UBE2E2: variants seen among roughly 807,000 people sequenced by gnomAD.
UBE2E2 encodes ubiquitin conjugating enzyme E2 E2.
In UBE2E2, 6 loss-of-function variants were observed where a neutral mutation model predicts 24.7. The observed-to-expected ratio is 0.24, with a 90% CI of 0.13 to 0.48. The LOEUF (loss-of-function observed/expected upper bound fraction) is 0.48. UBE2E2 is among the 20% of genes least tolerant of loss of function. The pLI is 0.99. For missense variants in UBE2E2, 169 were observed against 245.0 expected (o/e 0.69, Z 2.07); for synonymous variants, 104 against 83.6 (o/e 1.24, Z -1.33).
intron 5 of UBE2E2, among the ~76,000 whole-genome samples, chr3:23,579,679 A>G (rs1696431984): frequency 6.6e-6 from 1 of 152,124 alleles, no homozygotes; most frequent in Non-Finnish European, 1.5e-5. Flanking sequence ...CAGCCTGGGC[A>G]ACAGAGCAAG....
At chr3:23,546,894 T>C (rs1695537021) in intron 5 of UBE2E2, among the ~76,000 whole-genome samples, 1 of 152,196 alleles carries the variant, frequency 6.6e-6, no homozygotes, top group Admixed American at 6.5e-5. Context: ...AAAATAACTT[T>C]TCTCTAATGA....
Position 23,265,824 on chromosome 3 carries a change from G to A in UBE2E2, c.227+48512G>A, listed in dbSNP as rs549828395. ...CTAAGGACTTGCTTTATGAATCTGG[G>A]TGCTCCTGTGTTGGGTGCATATATA... On this transcript the variant is annotated intron_variant, in intron 3 of 5. Coordinates refer to ENST00000396703, the MANE Select transcript of UBE2E2 (RefSeq NM_152653.4). 1.3e-4 allele frequency among the ~76,000 whole-genome samples: 20 copies of A among 152,282 alleles called. 1 individual carries two copies. In the South Asian group the frequency reaches 4.1e-3, roughly 32 times the overall value.
At chr3:23,391,819 A>T (rs780656974) in intron 3 of UBE2E2, among the ~76,000 whole-genome samples, 1 of 152,076 alleles carries the variant, frequency 6.6e-6, no homozygotes, top group Non-Finnish European at 1.5e-5. Context: ...ATTGTGAGGG[A>T]TGTGTATATC....
chr3:23,297,347 C>A (rs1698941301), intron 3 of UBE2E2, among the ~76,000 whole-genome samples: 1 of 151,644 alleles, frequency 6.6e-6, no homozygotes, highest in Admixed American at 6.6e-5. Flanking sequence ...GCTTTTGTTG[C>A]CATTGCTTTT....
intron 5 of UBE2E2, among the ~76,000 whole-genome samples, chr3:23,570,703 CTG>C (rs1696198969): frequency 6.6e-6 from 1 of 152,118 alleles, no homozygotes; most frequent in Admixed American, 6.5e-5. Flanking sequence ...TCTAACATGA[CTG>C]TTGGGTGATA....
At chr3:23,479,871 A>AGT (rs759461712) in intron 3 of UBE2E2, among the ~76,000 whole-genome samples, 4 of 152,124 alleles carry the variant, frequency 2.6e-5, no homozygotes, top group Non-Finnish European at 5.9e-5. Flanking sequence ...GAATGGAGGC[A>AGT]GTACATGCTG....
At chr3:23,209,887 G>C (rs772063628) in intron 2 of UBE2E2, among the ~76,000 whole-genome samples, 2 of 152,216 alleles carry the variant, frequency 1.3e-5, no homozygotes, top group Middle Eastern at 3.4e-3. Flanking sequence ...TTTCGTGGGG[G>C]TGTATTGCTG....
At chr3:23,252,471 T>TA (rs1375510200) in intron 3 of UBE2E2, among the ~76,000 whole-genome samples, 2 of 152,154 alleles carry the variant, frequency 1.3e-5, no homozygotes, top group South Asian at 4.1e-4. Flanking sequence ...GGTTTGCCAG[T>TA]AAAACAAAAC....
intron 3 of UBE2E2, among the ~76,000 whole-genome samples, chr3:23,369,990 C>G (rs1307058698): frequency 6.6e-6 from 1 of 152,022 alleles, no homozygotes; most frequent in African/African-American, 2.4e-5. Context: ...ACTAATATCC[C>G]CATGTGGGAA....
intron 3 of UBE2E2, among the ~76,000 whole-genome samples, chr3:23,466,299 A>G (rs1010400584): frequency 3.3e-5 from 5 of 152,200 alleles, no homozygotes; most frequent in African/African-American, 9.6e-5. Flanking sequence ...AGGTACACAT[A>G]TAAGTGAGAT....
chr3:23,414,042 G>C (rs1201913555), intron 3 of UBE2E2, among the ~76,000 whole-genome samples: 2 of 152,054 alleles, frequency 1.3e-5, no homozygotes, highest in Non-Finnish European at 2.9e-5. Context: ...TAATACATCT[G>C]CCTCATCCCA....
chr3:23,352,823 G>C (rs142889807), intron 3 of UBE2E2, among the ~76,000 whole-genome samples: 9 of 152,202 alleles, frequency 5.9e-5, no homozygotes, highest in African/African-American at 1.4e-4. Flanking sequence ...GAACTGGTAC[G>C]ATTCTTTCTG....
intron 4 of UBE2E2, among the ~76,000 whole-genome samples, chr3:23,528,898 TCTC>T (rs1695059945): frequency 6.6e-6 from 1 of 152,152 alleles, no homozygotes; most frequent in Admixed American, 6.5e-5. Context: ...GGGCAGCCCT[TCTC>T]CTCCTCATGT....
intron 3 of UBE2E2, among the ~76,000 whole-genome samples, chr3:23,386,885 A>G (rs1016759986): frequency 6.6e-6 from 1 of 152,216 alleles, no homozygotes; most frequent in African/African-American, 2.4e-5. Flanking sequence ...GTCAGAACCC[A>G]TATCTTCATA....
chr3:23,536,466 T>A (rs1695266736), intron 5 of UBE2E2, among the ~76,000 whole-genome samples: 1 of 152,240 alleles, frequency 6.6e-6, no homozygotes, highest in Non-Finnish European at 1.5e-5. Flanking sequence ...TGTTACTCTC[T>A]AAAGTGTTTT....
chr3:23,454,058 T>C (rs1698623855), intron 3 of UBE2E2, among the ~76,000 whole-genome samples: 1 of 152,128 alleles, frequency 6.6e-6, no homozygotes, highest in African/African-American at 2.4e-5. Flanking sequence ...ATGTAAGTAT[T>C]TAATTTGTTA....
intron 3 of UBE2E2, among the ~76,000 whole-genome samples, chr3:23,254,711 G>T (rs1697666301): frequency 6.6e-6 from 1 of 152,102 alleles, no homozygotes; most frequent in Admixed American, 6.5e-5. Context: ...TTTGATCCTG[G>T]CTGGGGAGGA....
chr3:23,269,927 A>G (rs1389185613), intron 3 of UBE2E2, among the ~76,000 whole-genome samples: 1 of 152,216 alleles, frequency 6.6e-6, no homozygotes, highest in Non-Finnish European at 1.5e-5. Context: ...CTAAGAATCA[A>G]GAAATAGGGA....
chr3:23,274,629 A>G (rs1698336036), intron 3 of UBE2E2, among the ~76,000 whole-genome samples: 1 of 152,104 alleles, frequency 6.6e-6, no homozygotes, highest in African/African-American at 2.4e-5. Flanking sequence ...CACCTCCCAA[A>G]GTGCTGGGAT....
Sources: gnomAD v4.1 joint callset for allele counts (sites outside exome capture counted in the v4.1 genomes callset) on GRCh38, gnomAD v4.1.1 for gene constraint, MANE v1.5 for transcripts, NCBI Gene and HGNC (gene_info 2026-07-23, HGNC 2026-07-21) for gene names.